The following NAV1 variants were observed in gnomAD, a reference collection of about 807,000 sequenced individuals.
NAV1 encodes pore membrane and/or filament interacting like protein 3.
Under a neutral mutation model 175.2 loss-of-function variants are expected in NAV1, and 18 were observed. The observed-to-expected ratio is 0.10, with a 90% CI of 0.07 to 0.15. NAV1 has a LOEUF of 0.15. NAV1 is among the 10% of genes least tolerant of loss of function. The pLI is 1.00. For missense variants in NAV1, 1,731 were observed against 2,436.6 expected (o/e 0.71, Z 6.10); for synonymous variants, 897 against 978.7 (o/e 0.92, Z 1.56).
At chr1:201,801,492 T>A (rs1333916857) in intron 15 of NAV1, among the ~76,000 whole-genome samples, 1 of 152,054 alleles carries the variant, frequency 6.6e-6, no homozygotes, top group Non-Finnish European at 1.5e-5. Flanking sequence ...TTTTAAAATA[T>A]TTTTTTAAAT....
At chr1:201,727,237 TCA>T (rs753831819) in intron 3 of NAV1, among the ~76,000 whole-genome samples, 50 of 152,188 alleles carry the variant, frequency 3.3e-4, no homozygotes, top group Non-Finnish European at 3.7e-4. Context: ...ACCTAAGTTG[TCA>T]CAGACACATT....
At chr1:201,591,220 C>T (rs1050409995) in intron 2 of NAV1, among the ~76,000 whole-genome samples, 3 of 152,140 alleles carry the variant, frequency 2.0e-5, no homozygotes, top group Non-Finnish European at 4.4e-5. Flanking sequence ...ATCCCTAAGG[C>T]GTCTCTCCAG....
intron 1 of NAV1, among the ~76,000 whole-genome samples, chr1:201,704,208 G>A (rs1461795748): frequency 6.6e-6 from 1 of 152,236 alleles, no homozygotes; most frequent in Non-Finnish European, 1.5e-5. Flanking sequence ...AGGGTTGCGG[G>A]AAAGATGTCA....
At chr1:201,809,310 C>A (rs375061353) in intron 21 of NAV1, 49 bp downstream of exon 25, 8 of 1,602,870 alleles carry the variant, frequency 5.0e-6, no homozygotes, top group African/African-American at 1.3e-5. Context: ...AATACTGTTA[C>A]ATTTATCCAA....
At chr1:201,577,186 T>C (rs957335922) in intron 1 of NAV1, among the ~76,000 whole-genome samples, 1 of 152,224 alleles carries the variant, frequency 6.6e-6, no homozygotes. Context: ...TTCTGTATTA[T>C]AAGTGCTGGT....
upstream of NAV1, among the ~76,000 whole-genome samples, chr1:201,644,439 TG>T (rs1479320511): frequency 6.6e-6 from 1 of 152,120 alleles, no homozygotes; most frequent in Admixed American, 6.5e-5. Context: ...ACTCATGGGA[TG>T]TGAAAAGAAT....
intron 3 of NAV1, among the ~76,000 whole-genome samples, chr1:201,727,330 A>G (rs1307336660): frequency 6.6e-6 from 1 of 152,202 alleles, no homozygotes. Flanking sequence ...CACAGGAAGA[A>G]TGACATAATA....
chr1:201,653,224 A>T (rs1159020275), intron 1 of NAV1, among the ~76,000 whole-genome samples: 1 of 152,160 alleles, frequency 6.6e-6, no homozygotes, highest in Non-Finnish European at 1.5e-5. Context: ...TCTCAAAGCA[A>T]AACTAGTCTT....
rs1318119766 is a variant in NAV1 at position 201,809,549 on chromosome 1, C to T, written c.4401+12C>T. 6.2e-7 allele frequency: 1 copy of T among 1,611,072 alleles called. No individual in the cohort carries two copies. Among genetic ancestry groups the T allele is most frequent in the Non-Finnish European group, 8.5e-7 (1 of 1,177,794 alleles). ...TCCAAGTGTTCAAGGTAAAGGGATA[C>T]CTGTACTCAAAAAGGTTGTTCATCC... On this transcript the variant is annotated intron_variant, in intron 22 of 29. Transcript: ENST00000367296.
At chr1:201,703,399 C>G (rs1189146682) in intron 1 of NAV1, among the ~76,000 whole-genome samples, 5 of 152,230 alleles carry the variant, frequency 3.3e-5, no homozygotes, top group African/African-American at 1.2e-4. Flanking sequence ...AGTCTGCTAT[C>G]TGATCCTATA....
chr1:201,555,115 A>C (rs898944412), intron 1 of NAV1, among the ~76,000 whole-genome samples: 2 of 152,234 alleles, frequency 1.3e-5, no homozygotes, highest in African/African-American at 4.8e-5. Flanking sequence ...ACTCTACTCC[A>C]GTATGACCTC....
intron 2 of NAV1, among the ~76,000 whole-genome samples, chr1:201,617,206 GTCTCTCTCTC>G (rs3054501): frequency 0.033 from 4,560 of 138,136 alleles, 213 homozygotes; most frequent in African/African-American, 0.11. Context: ...CAATCTCTCT[GTCTCTCTCTC>G]TCTCTCTCTC....
At chr1:201,775,514 TG>T (rs1675879973) in intron 3 of NAV1, among the ~76,000 whole-genome samples, 1 of 152,088 alleles carries the variant, frequency 6.6e-6, no homozygotes, top group South Asian at 2.1e-4. Context: ...TTATAATGAG[TG>T]TCCCAGTCTT....
At chr1:201,554,701 A>G (rs1039259175) in intron 1 of NAV1, among the ~76,000 whole-genome samples, 1 of 152,202 alleles carries the variant, frequency 6.6e-6, no homozygotes, top group African/African-American at 2.4e-5. Flanking sequence ...CTTTTGGCAT[A>G]TAACCTGGGT....
chr1:201,747,589 T>A (rs1314891133), intron 3 of NAV1, among the ~76,000 whole-genome samples: 1 of 152,100 alleles, frequency 6.6e-6, no homozygotes, highest in African/African-American at 2.4e-5. Context: ...CTGCTCCTAT[T>A]TATTCCCTCT....
At chr1:201,764,474 T>A (rs937005618) in intron 3 of NAV1, among the ~76,000 whole-genome samples, 4 of 152,204 alleles carry the variant, frequency 2.6e-5, no homozygotes, top group Admixed American at 1.3e-4. Flanking sequence ...CTTTTTCTTA[T>A]AAGGACACGA....
At chr1:201,712,454 TC>T (rs1023441439) in intron 1 of NAV1, among the ~76,000 whole-genome samples, 5 of 152,170 alleles carry the variant, frequency 3.3e-5, no homozygotes, top group African/African-American at 4.8e-5. Context: ...AGGCAGATGT[TC>T]CAGCTCATCT....
exon 2 of NAV1, chr1:201,712,916 A>G: frequency 6.2e-7 from 1 of 1,611,760 alleles, no homozygotes; most frequent in Non-Finnish European, 8.5e-7. Flanking sequence ...CAGGTGACTC[A>G]CAGGTAAGCT....
intron 2 of NAV1, among the ~76,000 whole-genome samples, chr1:201,715,999 T>A (rs1672126220): frequency 6.6e-6 from 1 of 151,844 alleles, no homozygotes; most frequent in Non-Finnish European, 1.5e-5. Context: ...TGTCTAGAGA[T>A]GTGTTTGGGG....
Sources: gnomAD v4.1 joint callset for allele counts (sites outside exome capture counted in the v4.1 genomes callset) on GRCh38, gnomAD v4.1.1 for gene constraint, MANE v1.5 for transcripts, NCBI Gene and HGNC (gene_info 2026-07-23, HGNC 2026-07-21) for gene names.